SLC35E1: variants seen among roughly 807,000 people sequenced by gnomAD.
SLC35E1 encodes the protein solute carrier family 35, member E1.
In SLC35E1, 12 loss-of-function variants were observed where a neutral mutation model predicts 31.0. The observed-to-expected ratio is 0.39, with a 90% confidence interval of 0.25 to 0.63. SLC35E1 has a LOEUF of 0.63. Ranked by LOEUF, SLC35E1 falls within the 20% of genes least tolerant of loss-of-function variation. The pLI is 0.52. For missense variants in SLC35E1, 429 were observed against 572.2 expected (o/e 0.75, Z 2.55); for synonymous variants, 257 against 264.1 (o/e 0.97, Z 0.26).
chr19:16,566,989 A>G (rs2085935573), intron 3 of SLC35E1, among the ~76,000 whole-genome samples: 1 of 152,248 alleles, frequency 6.6e-6, no homozygotes, highest in Admixed American at 6.5e-5. Flanking sequence ...AACCATATTA[A>G]GAGTGATTAA....
intron 5 of SLC35E1, among the ~76,000 whole-genome samples, chr19:16,554,316 A>G (rs1461382614): frequency 6.6e-6 from 1 of 151,724 alleles, no homozygotes; most frequent in Non-Finnish European, 1.5e-5. Flanking sequence ...GGGCCGGCAT[A>G]AGTCATAGGG....
chr19:16,564,896 A>G (rs777984397), intron 4 of SLC35E1: 61 of 313,256 alleles, frequency 1.9e-4, no homozygotes, highest in South Asian at 1.8e-4. Flanking sequence ...ATGTGAAACG[A>G]AAGTTAGAAA....
chr19:16,562,254 A>G (rs998481058), intron 4 of SLC35E1, among the ~76,000 whole-genome samples: 3 of 152,248 alleles, frequency 2.0e-5, no homozygotes, highest in Admixed American at 6.5e-5. Flanking sequence ...GCTGTAACAC[A>G]GAACAGCAGA....
chr19:16,572,134 C>T lies in SLC35E1; in HGVS notation c.231G>A (p.Leu77=), dbSNP rs1055727218. The change falls in exon 1 of 6, where the codon CTG becomes CTA. Residue 77 remains leucine (L), a synonymous_variant. Coordinates refer to ENST00000595753, the MANE Select transcript of SLC35E1 (RefSeq NM_024881.5). This position sits in a 1 kb window ranked among gnomAD's most constrained non-coding sequence, Gnocchi z 4.1. ...LALCAGLPPL[L]RAWRVPPAPP... is the part of the protein sequence containing the mutation. ...GCGCGGGGGGCACGCGCCAGGCGCG[C>T]AGCAGCGGCGGGAGCCCAGCGCACA... The T allele has an allele frequency of 1.3e-6, 2 of 1,511,112 alleles. No individual in the cohort carries two copies. Among genetic ancestry groups the T allele is most frequent in the African/African-American group, 2.9e-5 (2 of 68,550 alleles). The allele number at this position is 1,511,112 out of a possible 1,614,324, so 93.6% of individuals were successfully genotyped here.
intron 2 of SLC35E1, among the ~76,000 whole-genome samples, chr19:16,570,196 T>C (rs931801694): frequency 5.3e-5 from 8 of 152,202 alleles, no homozygotes; most frequent in Non-Finnish European, 8.8e-5. Context: ...CGGGGAAACC[T>C]GATACACACG....
chr19:16,553,563 G>A lies in SLC35E1; in HGVS notation c.*116C>T, dbSNP rs745786085. The A allele has an allele frequency of 2.5e-5, 24 of 954,888 alleles. No homozygotes were observed. Among genetic ancestry groups the A allele is most frequent in the Non-Finnish European group, 3.2e-5 (22 of 684,488 alleles). 59.2% of individuals were successfully genotyped at this position (954,888 alleles called of 1,614,324 possible). A position where few individuals can be genotyped will look rare whatever the true frequency, so the allele number is the denominator to read the frequency against. On this transcript the variant is annotated 3_prime_UTR_variant, in exon 6 of 6. Coordinates refer to ENST00000595753, the MANE Select transcript of SLC35E1 (RefSeq NM_024881.5). ...CAGGAACCCCAGGGCTTCTGATGGA[G>A]AGTTATGCACCGTCCCCTCGGCTGG... is the stretch of plus-strand genomic sequence containing the variant.
At chr19:16,560,752 C>T (rs1251020310) in intron 4 of SLC35E1, among the ~76,000 whole-genome samples, 1 of 150,478 alleles carries the variant, frequency 6.6e-6, no homozygotes, top group Non-Finnish European at 1.5e-5. Context: ...ATTCCAGCTA[C>T]TCAGGAAGCT....
At chr19:16,564,796 C>T (rs2085923684) in intron 4 of SLC35E1, among the ~76,000 whole-genome samples, 2 of 152,192 alleles carry the variant, frequency 1.3e-5, no homozygotes, top group South Asian at 4.1e-4. Context: ...AACAGTTAAG[C>T]ATTAAACTGC....
intron 4 of SLC35E1, 62 bp downstream of exon 4, chr19:16,566,470 A>G (rs1159095607): frequency 3.7e-6 from 6 of 1,604,610 alleles, no homozygotes; most frequent in Non-Finnish European, 3.4e-6. Context: ...CAGCTCCTCA[A>G]CAAAGCACCT....
intron 1 of SLC35E1, 91 bp from the exon 2 acceptor site, chr19:16,571,673 G>T: frequency 7.3e-7 from 1 of 1,374,958 alleles, no homozygotes; most frequent in African/African-American, 1.4e-5. Context: ...GGGCCTGGCA[G>T]CCCCTCACAC....
At position 16,554,267 on chromosome 19, in the gene SLC35E1, G is replaced by GAA. The variant is rs778901992; in HGVS notation, c.1003-360_1003-359dup. Among the ~76,000 whole-genome samples, 144 of 51,258 alleles carry GAA rather than the reference G, an allele frequency of 2.8e-3. 2 individuals carry two copies. The highest frequency in any genetic ancestry group is 5.1e-3 in the African/African-American group (69 of 13,544). The allele number at this position is 51,258 out of a possible 152,430, so 33.6% of individuals were successfully genotyped here. On this transcript the variant is annotated intron_variant, in intron 5 of 5. Transcript: ENST00000595753. ...GGAGACAGAGCAAGACGCTGTCTCA[G>GAA]AAAAAAAAAAAAAAAAAAAAAAAGT...
intron 2 of SLC35E1, among the ~76,000 whole-genome samples, chr19:16,569,028 CTTTT>C (rs946440031): frequency 7.0e-6 from 1 of 142,600 alleles, no homozygotes. Flanking sequence ...TCCACTCACT[CTTTT>C]TTTTTTTTTT....
At position 16,552,800 on chromosome 19, in the gene SLC35E1, A is replaced by C. The variant is rs1405148980; in HGVS notation, c.*879T>G. 1 of 152,220 alleles carries C rather than the reference A, an allele frequency of 6.6e-6. No individual in the cohort carries two copies. Among genetic ancestry groups the C allele is most frequent in the Non-Finnish European group, 1.5e-5 (1 of 68,050 alleles). 9.4% of individuals were successfully genotyped at this position (152,220 alleles called of 1,614,324 possible). On this transcript the variant is annotated 3_prime_UTR_variant, in exon 6 of 6. Coordinates refer to ENST00000595753, the MANE Select transcript of SLC35E1 (RefSeq NM_024881.5). ...AAAATCAAGATCTCTCTACCAAACAACATACCAAGTCATCACAGAAGAGGT... is the reference window on the plus strand; with the variant it reads ...AAAATCAAGATCTCTCTACCAAACACCATACCAAGTCATCACAGAAGAGGT...
At position 16,559,478 on chromosome 19, in the gene SLC35E1, ACACACAC is replaced by A. The variant is rs1310058790; in HGVS notation, c.757-4088_757-4082del. ...CTACAAAAAATACACACACACACAC[ACACACAC>A]ACACACACACACACAGAGTTAACCA... On this transcript the variant is annotated intron_variant, in intron 4 of 5. Coordinates refer to ENST00000595753, the MANE Select transcript of SLC35E1 (RefSeq NM_024881.5). Among the ~76,000 whole-genome samples the A allele has an allele frequency of 7.1e-4, 102 of 143,864 alleles. 1 individual carries two copies. The highest frequency in any genetic ancestry group is 2.6e-3 in the African/African-American group (96 of 37,482). 94.4% of individuals were successfully genotyped at this position (143,864 alleles called of 152,430 possible).
rs1289748258 is a variant in SLC35E1 at position 16,571,819 on chromosome 19, T to G, written c.421+125A>C. The G allele has an allele frequency of 3.6e-6, 4 of 1,101,072 alleles. No homozygotes were observed. In the East Asian group the frequency reaches 1.0e-4, roughly 29 times the overall value. 68.2% of individuals were successfully genotyped at this position (1,101,072 alleles called of 1,614,324 possible). On this transcript the variant is annotated intron_variant, in intron 1 of 5. Coordinates refer to ENST00000595753, the MANE Select transcript of SLC35E1 (RefSeq NM_024881.5). ...GCGTGTCCCTCCCCTACCAAACCCT[T>G]GGCAGCCCCTCTGCTGACTTCTCAG...
At chr19:16,559,415 T>TTTGAGACCAGACTGGGCAA (rs2085892908) in intron 4 of SLC35E1, among the ~76,000 whole-genome samples, 1 of 151,236 alleles carries the variant, frequency 6.6e-6, no homozygotes. Context: ...AGCCCAGAAG[T>TTTGAGACCAGACTGGGCAA]TTGAGACCAG....
intron 4 of SLC35E1, among the ~76,000 whole-genome samples, chr19:16,557,959 G>A (rs1253672156): frequency 6.6e-6 from 1 of 151,808 alleles, no homozygotes; most frequent in Non-Finnish European, 1.5e-5. Flanking sequence ...GACTACAGGC[G>A]CCCGCCACCA....
At chr19:16,567,241 G>A (rs775062290) in intron 3 of SLC35E1, among the ~76,000 whole-genome samples, 66 of 151,976 alleles carry the variant, frequency 4.3e-4, no homozygotes, top group Admixed American at 2.0e-4. Context: ...GGCTGGTCTC[G>A]AACTCCTAGC....
intron 4 of SLC35E1, among the ~76,000 whole-genome samples, chr19:16,558,034 G>GT (rs960125537): frequency 2.7e-4 from 40 of 147,724 alleles, no homozygotes; most frequent in East Asian, 1.2e-3. Flanking sequence ...GGATGGTGAA[G>GT]TTTTTTTTTT....
Sources: allele counts gnomAD v4.1 joint callset (sites outside exome capture counted in the v4.1 genomes callset), GRCh38; gene constraint gnomAD v4.1.1; non-coding constraint Gnocchi (gnomAD v3.1); transcripts MANE v1.5; gene names NCBI Gene and HGNC (gene_info 2026-07-23, HGNC 2026-07-21).